Variants in PKNOX2 observed in about 807,000 individuals in gnomAD.
PKNOX2 encodes the protein PBX/knotted 1 homeobox 2.
PKNOX2 carries 14 observed loss-of-function variants against 53.1 expected under a neutral mutation model. That is an observed-to-expected ratio of 0.26 (90% CI 0.17 to 0.41). PKNOX2 has a LOEUF of 0.41. PKNOX2 is among the 10% of genes least tolerant of loss of function. The pLI is 1.00. For synonymous variants in PKNOX2, 257 were observed against 242.8 expected, an observed-to-expected ratio of 1.06 and a Z score of -0.54; for missense variants, 496 against 602.8, an observed-to-expected ratio of 0.82 and a Z score of 1.85.
At chr11:125,356,236 T>G (rs573759218) in intron 4 of PKNOX2, among the ~76,000 whole-genome samples, 15 of 152,316 alleles carry the variant, frequency 9.8e-5, no homozygotes, top group African/African-American at 3.6e-4. Flanking sequence ...TAGATCCTAG[T>G]CTGACCTACT....
chr11:125,196,922 G>A (rs1053434613), intron 1 of PKNOX2, among the ~76,000 whole-genome samples: 4 of 152,312 alleles, frequency 2.6e-5, no homozygotes, highest in East Asian at 1.9e-4. Context: ...CCTGGTATGC[G>A]GGTATGAAGA....
chr11:125,286,849 G>T (rs1204918436), intron 2 of PKNOX2, among the ~76,000 whole-genome samples: 2 of 152,232 alleles, frequency 1.3e-5, no homozygotes, highest in Admixed American at 1.3e-4. Context: ...GGCCTGACTT[G>T]GTCAGAATGT....
chr11:125,193,010 T>G (rs1956972155), intron 1 of PKNOX2, among the ~76,000 whole-genome samples: 1 of 152,234 alleles, frequency 6.6e-6, no homozygotes, highest in South Asian at 2.1e-4. Context: ...ACTTGCCGGG[T>G]GGGACCCTCA....
intron 2 of PKNOX2, among the ~76,000 whole-genome samples, chr11:125,331,018 G>A (rs1217663880): frequency 1.3e-5 from 1 of 77,320 alleles, no homozygotes. Context: ...CCCCTCCCCC[G>A]ACCCTGCCAT....
chr11:125,363,373 A>G (rs1952023889), intron 4 of PKNOX2, among the ~76,000 whole-genome samples: 2 of 152,176 alleles, frequency 1.3e-5, no homozygotes, highest in Non-Finnish European at 2.9e-5. Flanking sequence ...TATCTCCTGC[A>G]TTTTACAGAT....
At chr11:125,367,267 A>G (rs139233432) in intron 4 of PKNOX2, among the ~76,000 whole-genome samples, 3 of 152,340 alleles carry the variant, frequency 2.0e-5, no homozygotes, top group African/African-American at 7.2e-5. Flanking sequence ...TGCCCTAAAT[A>G]TTTGTTATGG....
At chr11:125,414,085 A>G (rs1164398640) in intron 10 of PKNOX2, among the ~76,000 whole-genome samples, 1 of 151,888 alleles carries the variant, frequency 6.6e-6, no homozygotes, top group Non-Finnish European at 1.5e-5. Context: ...CCACCCTCTC[A>G]TCTCCTTCCT....
intron 2 of PKNOX2, among the ~76,000 whole-genome samples, chr11:125,325,210 T>C (rs1034455767): frequency 1.3e-5 from 2 of 152,326 alleles, no homozygotes; most frequent in African/African-American, 2.4e-5. Flanking sequence ...TGCCCAGGTC[T>C]CTTGACTGCT....
At chr11:125,212,182 C>T (rs1939919164) in intron 1 of PKNOX2, among the ~76,000 whole-genome samples, 2 of 152,224 alleles carry the variant, frequency 1.3e-5, no homozygotes, top group Admixed American at 1.3e-4. Flanking sequence ...TCCTCATCTT[C>T]CCTTTGAAAG....
At chr11:125,405,058 C>CG (rs905004713) in intron 7 of PKNOX2, among the ~76,000 whole-genome samples, 4 of 152,178 alleles carry the variant, frequency 2.6e-5, no homozygotes, top group African/African-American at 4.8e-5. Context: ...CTCTAGTGGC[C>CG]GGGGGGAGGA....
intron 2 of PKNOX2, among the ~76,000 whole-genome samples, chr11:125,286,603 C>T (rs1951298915): frequency 6.6e-6 from 1 of 152,236 alleles, no homozygotes; most frequent in Admixed American, 6.5e-5. Flanking sequence ...GAGCCCTCCT[C>T]CCCACTGCCA....
At chr11:125,170,219 G>A (rs893234866) in intron 1 of PKNOX2, among the ~76,000 whole-genome samples, 9 of 152,282 alleles carry the variant, frequency 5.9e-5, no homozygotes, top group East Asian at 3.9e-4. Flanking sequence ...CTGTGTGTGC[G>A]CTCGTAGACT....
At chr11:125,338,036 AG>A (rs1415391883) in intron 3 of PKNOX2, among the ~76,000 whole-genome samples, 1 of 152,182 alleles carries the variant, frequency 6.6e-6, no homozygotes, top group Non-Finnish European at 1.5e-5. Context: ...GAAAAGGCTG[AG>A]GCTGGGTTTC....
intron 5 of PKNOX2, among the ~76,000 whole-genome samples, chr11:125,369,130 G>A (rs760863476): frequency 4.6e-5 from 7 of 152,192 alleles, no homozygotes; most frequent in Non-Finnish European, 8.8e-5. Flanking sequence ...CATTCTCATC[G>A]GCATTATTTT....
At chr11:125,205,668 C>T (rs1939004857) in intron 1 of PKNOX2, among the ~76,000 whole-genome samples, 1 of 152,040 alleles carries the variant, frequency 6.6e-6, no homozygotes, top group Middle Eastern at 3.2e-3. Flanking sequence ...TCCCGCTTCT[C>T]TCTCATGCCA....
At chr11:125,306,287 G>A (rs991765303) in intron 2 of PKNOX2, among the ~76,000 whole-genome samples, 5 of 152,074 alleles carry the variant, frequency 3.3e-5, no homozygotes, top group African/African-American at 4.8e-5. Context: ...CTCCCCATTC[G>A]CAAATACCTA....
intron 1 of PKNOX2, among the ~76,000 whole-genome samples, chr11:125,210,470 GT>G (rs1164450766): frequency 2.0e-5 from 3 of 152,146 alleles, no homozygotes; most frequent in Non-Finnish European, 4.4e-5. Context: ...GTGGATGCAG[GT>G]GCAGTGTTGG....
rs139638153 is a variant in PKNOX2, at chr11:125,216,869, G to A, written c.-200-18176G>A. 3.2e-3 allele frequency among the ~76,000 whole-genome samples: 481 copies of A among 152,270 alleles called. 2 individuals carry two copies. Among genetic ancestry groups the A allele is most frequent in the African/African-American group, 0.011 (459 of 41,538 alleles). ...TGCAACAGGGGACCTTGTTAAAGGC[G>A]TATTAAAAGGTGAAGACTCCCACTG... On this transcript the variant is annotated intron_variant, in intron 1 of 12. Coordinates refer to ENST00000298282, the MANE Select transcript of PKNOX2 (RefSeq NM_001382323.2).
intron 6 of PKNOX2, among the ~76,000 whole-genome samples, chr11:125,390,627 A>T (rs565203908): frequency 7.9e-5 from 12 of 152,234 alleles, no homozygotes; most frequent in Non-Finnish European, 1.5e-4. Flanking sequence ...CAAGACCCCT[A>T]TGAAGTAGTT....
Sources: allele counts gnomAD v4.1 joint callset (sites outside exome capture counted in the v4.1 genomes callset), GRCh38; gene constraint gnomAD v4.1.1; transcripts MANE v1.5; gene names NCBI Gene and HGNC (gene_info 2026-07-23, HGNC 2026-07-21).